TENM2: variants seen among roughly 807,000 people sequenced by gnomAD.
TENM2 encodes the protein teneurin transmembrane protein 2, also known as teneurin-2.
Under a neutral mutation model 245.2 loss-of-function variants are expected in TENM2, and 52 were observed. The ratio of observed to expected loss-of-function variants is 0.21; its 90% confidence interval spans 0.17 to 0.27. The LOEUF is 0.27. TENM2 is among the 10% of genes least tolerant of loss of function. The probability of loss-of-function intolerance (pLI) is 1.00; values close to 1 mark genes in which losing one functional copy is unlikely to be tolerated. For missense variants in TENM2, 3,046 were observed against 3,666.8 expected (o/e 0.83, Z 4.37); for synonymous variants, 1,363 against 1,438.9 (o/e 0.95, Z 1.19).
chr5:167,172,774 C>CTATTTATT, the TENM2 span, among the ~76,000 whole-genome samples: 1 of 151,782 alleles, frequency 6.6e-6, no homozygotes, highest in Non-Finnish European at 1.5e-5. Flanking sequence ...CTATGCTTAG[C>CTATTTATT]TATTTATTTA....
At chr5:168,047,031 T>C (rs1788664981) in intron 5 of TENM2, among the ~76,000 whole-genome samples, 1 of 152,182 alleles carries the variant, frequency 6.6e-6, no homozygotes, top group African/African-American at 2.4e-5. Context: ...TCCTTGTCAA[T>C]GCCCCTAGAC....
At chr5:167,069,966 C>T in the TENM2 span, among the ~76,000 whole-genome samples, 2 of 152,110 alleles carry the variant, frequency 1.3e-5, no homozygotes, top group Admixed American at 1.3e-4. Flanking sequence ...TAAACTTTAT[C>T]TGATACATCT....
At chr5:166,982,523 C>T in the TENM2 span, among the ~76,000 whole-genome samples, 1 of 151,990 alleles carries the variant, frequency 6.6e-6, no homozygotes, top group African/African-American at 2.4e-5. Flanking sequence ...TGTCCCTTCC[C>T]ACTTGAGAAC....
chr5:167,046,863 AC>A, the TENM2 span, among the ~76,000 whole-genome samples: 1 of 124,782 alleles, frequency 8.0e-6, no homozygotes, highest in Non-Finnish European at 1.7e-5. Flanking sequence ...TTAGCCCCCC[AC>A]CCCCCGACAG....
At chr5:167,865,091 G>A (rs915142052) in intron 2 of TENM2, among the ~76,000 whole-genome samples, 3 of 152,154 alleles carry the variant, frequency 2.0e-5, no homozygotes, top group African/African-American at 7.2e-5. Flanking sequence ...CAAGAAAACA[G>A]CTCAATGTAT....
intron 5 of TENM2, among the ~76,000 whole-genome samples, chr5:168,037,983 G>C (rs1349403797): frequency 6.6e-6 from 1 of 152,206 alleles, no homozygotes; most frequent in Non-Finnish European, 1.5e-5. Context: ...AGGCAAATGA[G>C]AGAATAATAC....
chr5:167,147,132 C>A, the TENM2 span, among the ~76,000 whole-genome samples: 2 of 152,078 alleles, frequency 1.3e-5, no homozygotes, highest in Non-Finnish European at 2.9e-5. Flanking sequence ...GTCCCTTTTT[C>A]TTTTATTAAA....
exon 14 of TENM2, chr5:168,190,395 C>G: frequency 6.2e-7 from 1 of 1,613,986 alleles, no homozygotes; most frequent in Non-Finnish European, 8.5e-7. Context: ...GTCAGAACAG[C>G]CTGCTCTGCC....
At chr5:168,175,228 C>T (rs945263157) in intron 13 of TENM2, among the ~76,000 whole-genome samples, 7 of 152,224 alleles carry the variant, frequency 4.6e-5, no homozygotes, top group African/African-American at 1.4e-4. Flanking sequence ...TGCCCCTTTA[C>T]TTAAATGGCT....
chr5:167,051,133 T>G, the TENM2 span, among the ~76,000 whole-genome samples: 27 of 151,988 alleles, frequency 1.8e-4, no homozygotes, highest in South Asian at 5.2e-3. Flanking sequence ...TGAGAGACTA[T>G]ATATGTGAAC....
chr5:167,325,250 GT>G (rs1561863798), intron 1 of TENM2, among the ~76,000 whole-genome samples: 1 of 152,102 alleles, frequency 6.6e-6, no homozygotes, highest in Non-Finnish European at 1.5e-5. Context: ...TAAATAGAGC[GT>G]TTCAGTAAAT....
chr5:167,203,615 A>G, the TENM2 span, among the ~76,000 whole-genome samples: 1 of 152,228 alleles, frequency 6.6e-6, no homozygotes, highest in Non-Finnish European at 1.5e-5. Context: ...AAGGTGAACA[A>G]TAGAGGCTCT....
intron 2 of TENM2, among the ~76,000 whole-genome samples, chr5:167,390,978 G>A (rs1406162785): frequency 6.6e-6 from 1 of 152,074 alleles, no homozygotes; most frequent in Non-Finnish European, 1.5e-5. Flanking sequence ...GCTCAACTGA[G>A]CTACTTATTT....
chr5:167,069,265 T>A, the TENM2 span, among the ~76,000 whole-genome samples: 2 of 152,202 alleles, frequency 1.3e-5, no homozygotes, highest in East Asian at 3.8e-4. Context: ...TTTATAGGTT[T>A]TTCTATATCG....
At chr5:168,160,855 A>T (rs1219585090) in intron 12 of TENM2, among the ~76,000 whole-genome samples, 1 of 152,066 alleles carries the variant, frequency 6.6e-6, no homozygotes, top group Non-Finnish European at 1.5e-5. Context: ...GCAAGACCCA[A>T]TCTCTACTAA....
chr5:167,543,474 A>G (rs1562041706), intron 2 of TENM2, among the ~76,000 whole-genome samples: 1 of 152,172 alleles, frequency 6.6e-6, no homozygotes, highest in African/African-American at 2.4e-5. Flanking sequence ...ACAACCTTCC[A>G]TACTGAGTAA....
chr5:167,611,755 G>A (rs188000076), intron 2 of TENM2, among the ~76,000 whole-genome samples: 16 of 152,070 alleles, frequency 1.1e-4, no homozygotes, highest in Admixed American at 8.5e-4. Context: ...TTCATAGATG[G>A]CGCCTCCTCA....
intron 2 of TENM2, among the ~76,000 whole-genome samples, chr5:167,790,980 T>G (rs1054118374): frequency 6.6e-6 from 1 of 152,200 alleles, no homozygotes; most frequent in Non-Finnish European, 1.5e-5. Context: ...CTTTCATTTT[T>G]CACCCCAACC....
chr5:167,731,377 A>T (rs1457981632), intron 2 of TENM2, among the ~76,000 whole-genome samples: 1 of 152,082 alleles, frequency 6.6e-6, no homozygotes, highest in East Asian at 1.9e-4. Flanking sequence ...CTCTGAGAAC[A>T]TCTTTTATCA....
Sources: gnomAD v4.1 joint callset for allele counts (sites outside exome capture counted in the v4.1 genomes callset) on GRCh38, gnomAD v4.1.1 for gene constraint, MANE v1.5 for transcripts, NCBI Gene and HGNC (gene_info 2026-07-23, HGNC 2026-07-21) for gene names.